CACNA1C: variants seen among roughly 807,000 people sequenced by gnomAD.
CACNA1C encodes the protein calcium voltage-gated channel subunit alpha1 C, also known as voltage-dependent L-type calcium channel subunit alpha-1C.
A neutral mutation model predicts 229.0 loss-of-function variants in CACNA1C; 30 were observed. The ratio of observed to expected loss-of-function variants is 0.13; its 90% CI spans 0.10 to 0.18. The LOEUF (loss-of-function observed/expected upper bound fraction) is 0.18, where lower values mean the gene tolerates loss of function less well. Among genes scored for constraint, CACNA1C ranks in the 10% least tolerant of loss-of-function variants. The pLI is 1.00. For missense variants in CACNA1C, 1,658 were observed against 2,845.0 expected (o/e 0.58, Z 9.49); for synonymous variants, 1,114 against 1,132.5 (o/e 0.98, Z 0.33).
At chr12:2,281,532 G>A (rs548363950) in intron 3 of CACNA1C, among the ~76,000 whole-genome samples, 50 of 152,108 alleles carry the variant, frequency 3.3e-4, no homozygotes, top group Admixed American at 1.0e-3. Context: ...TTTTATTTCC[G>A]AAGGATATTT....
chr12:2,169,101 G>A (rs2096368885), intron 3 of CACNA1C, among the ~76,000 whole-genome samples: 1 of 152,136 alleles, frequency 6.6e-6, no homozygotes, highest in Non-Finnish European at 1.5e-5. Flanking sequence ...AAGAGCTCAG[G>A]TCCTTTAGTG....
chr12:2,090,505 A>G (rs568504744), intron 1 of CACNA1C, among the ~76,000 whole-genome samples: 83 of 152,024 alleles, frequency 5.5e-4, no homozygotes, highest in Admixed American at 1.5e-3. Context: ...CTTAGTAGAG[A>G]CAGGGTTTCA....
At chr12:2,095,588 C>G (rs1333055506) in intron 1 of CACNA1C, among the ~76,000 whole-genome samples, 1 of 152,218 alleles carries the variant, frequency 6.6e-6, no homozygotes, top group Admixed American at 6.5e-5. Context: ...CGGCCCGAGT[C>G]AGGCCATCCA....
chr12:2,571,071 G>C (rs945041434), intron 13 of CACNA1C, among the ~76,000 whole-genome samples: 2 of 152,206 alleles, frequency 1.3e-5, no homozygotes, highest in African/African-American at 4.8e-5. Context: ...ATGTTAGCTT[G>C]AGTGATCCTC....
intron 2 of CACNA1C, among the ~76,000 whole-genome samples, chr12:2,116,921 T>A (rs1252451502): frequency 6.6e-6 from 1 of 152,200 alleles, no homozygotes; most frequent in African/African-American, 2.4e-5. Flanking sequence ...AGGTACTGGT[T>A]GAAAGAAGGT....
chr12:2,247,189 G>T (rs1390614695), intron 3 of CACNA1C, among the ~76,000 whole-genome samples: 1 of 151,918 alleles, frequency 6.6e-6, no homozygotes, highest in Non-Finnish European at 1.5e-5. Context: ...ATTTTCTTTG[G>T]GCAGCGGGGA....
At chr12:2,007,395 A>G (rs1484121332) in intron 1 of CACNA1C, among the ~76,000 whole-genome samples, 2 of 152,234 alleles carry the variant, frequency 1.3e-5, no homozygotes. Context: ...AAAAGCTTAA[A>G]TGTTCATAAA....
At chr12:2,195,385 A>G (rs1462510034) in intron 3 of CACNA1C, among the ~76,000 whole-genome samples, 1 of 152,234 alleles carries the variant, frequency 6.6e-6, no homozygotes, top group African/African-American at 2.4e-5. Flanking sequence ...TGCTACTGCT[A>G]CTACCACTGG....
intron 1 of CACNA1C, among the ~76,000 whole-genome samples, chr12:2,082,031 A>C (rs1595360276): frequency 6.6e-6 from 1 of 151,864 alleles, no homozygotes; most frequent in Non-Finnish European, 1.5e-5. Flanking sequence ...GTAAGAAAAC[A>C]GGGGGGACAG....
At chr12:2,514,800 C>T (rs570455276) in intron 9 of CACNA1C, among the ~76,000 whole-genome samples, 1 of 151,930 alleles carries the variant, frequency 6.6e-6, no homozygotes, top group South Asian at 2.1e-4. Context: ...CCGCCTAAAA[C>T]AGGAGCTTCC....
intron 13 of CACNA1C, among the ~76,000 whole-genome samples, chr12:2,579,461 C>A (rs1394207957): frequency 6.6e-6 from 1 of 152,024 alleles, no homozygotes; most frequent in Non-Finnish European, 1.5e-5. Flanking sequence ...ATTACCCCAG[C>A]CCCAGAGTCA....
intron 29 of CACNA1C, among the ~76,000 whole-genome samples, chr12:2,624,531 T>C (rs1046011127): frequency 3.3e-5 from 5 of 152,360 alleles, no homozygotes; most frequent in East Asian, 1.9e-4. Flanking sequence ...AATATTCACA[T>C]TGAAGAACTT....
intron 3 of CACNA1C, among the ~76,000 whole-genome samples, chr12:2,404,411 C>T (rs537344196): frequency 8.5e-5 from 13 of 152,156 alleles, no homozygotes; most frequent in South Asian, 6.2e-4. Flanking sequence ...TTAGGAGCCC[C>T]GCACCCAAGC....
intron 5 of CACNA1C, among the ~76,000 whole-genome samples, chr12:2,462,325 C>T (rs1235454613): frequency 6.7e-6 from 1 of 149,466 alleles, no homozygotes; most frequent in Non-Finnish European, 1.5e-5. Context: ...CTGCGCACCT[C>T]CTCGGCCCGC....
At chr12:2,621,078 A>G (rs34935905) in intron 29 of CACNA1C, among the ~76,000 whole-genome samples, 11,724 of 152,238 alleles carry the variant, frequency 0.077, 638 homozygotes, top group Non-Finnish European at 0.11. Flanking sequence ...ACCCCTCTGT[A>G]ACTTCCACTT....
At chr12:1,979,059 G>T (rs2035301155) in intron 1 of CACNA1C, among the ~76,000 whole-genome samples, 1 of 152,228 alleles carries the variant, frequency 6.6e-6, no homozygotes, top group South Asian at 2.1e-4. Flanking sequence ...ACCCAGGCTG[G>T]AGTGCAATGG....
chr12:2,579,445 C>G (rs116792455), intron 13 of CACNA1C, among the ~76,000 whole-genome samples: 7,599 of 152,078 alleles, frequency 0.05, 664 homozygotes, highest in African/African-American at 0.17. Flanking sequence ...GACTGGTCGC[C>G]TGAGGATTAC....
intron 3 of CACNA1C, among the ~76,000 whole-genome samples, chr12:2,220,014 C>T (rs1021803246): frequency 2.6e-5 from 4 of 152,158 alleles, no homozygotes; most frequent in African/African-American, 9.7e-5. Context: ...AGGATTTCCT[C>T]CTCCTCAGAT....
rs10848607 is a variant in CACNA1C, at chr12:2,054,860, A to G, written c.49+1249A>G. Among the ~76,000 whole-genome samples the G allele has an allele frequency of 0.28, 42,857 of 152,002 alleles. 6,236 individuals are homozygous for G. The highest frequency in any genetic ancestry group is 0.35 in the African/African-American group (14,507 of 41,450). ...TGGGTTCTTCCCAGTGATCCTCTGA[A>G]GACCAGCCTGGTGGAAGGAGTTGTC... On this transcript the variant is annotated intron_variant, in intron 1 of 46. Coordinates refer to ENST00000399655, the MANE Select transcript of CACNA1C (RefSeq NM_000719.7). The surrounding 1 kb of genome is among the most constrained non-coding windows in gnomAD (Gnocchi z 5.5).
Sources: allele counts gnomAD v4.1 joint callset (sites outside exome capture counted in the v4.1 genomes callset), GRCh38; gene constraint gnomAD v4.1.1; non-coding constraint Gnocchi (gnomAD v3.1); transcripts MANE v1.5; gene names NCBI Gene and HGNC (gene_info 2026-07-23, HGNC 2026-07-21).